The following CTNNA3 variants were observed in gnomAD, a reference collection of about 807,000 sequenced individuals.
CTNNA3 encodes catenin alpha 3, also known as catenin alpha-3.
A neutral mutation model predicts 95.7 loss-of-function variants in CTNNA3; 76 were observed. The ratio of observed to expected loss-of-function variants is 0.79; its 90% CI spans 0.66 to 0.96. The LOEUF is 0.96. Ranked by LOEUF, CTNNA3 falls within the 40% of genes least tolerant of loss-of-function variation. The pLI is 0.00. For missense variants in CTNNA3, 1,191 were observed against 1,089.8 expected (o/e 1.09, Z -1.31); for synonymous variants, 431 against 374.4 (o/e 1.15, Z -1.74).
intron 11 of CTNNA3, among the ~76,000 whole-genome samples, chr10:66,445,565 G>T (rs1408562280): frequency 2.0e-5 from 3 of 152,134 alleles, no homozygotes; most frequent in Admixed American, 6.6e-5. Flanking sequence ...ACTTGCTCCT[G>T]AATGACTACT....
intron 3 of CTNNA3, among the ~76,000 whole-genome samples, chr10:67,594,994 T>C (rs1011724839): frequency 6.6e-6 from 1 of 152,198 alleles, no homozygotes; most frequent in Non-Finnish European, 1.5e-5. Context: ...TGGTTTTCCA[T>C]TCCTGAGTTA....
At chr10:67,114,501 C>T (rs543216256) in intron 7 of CTNNA3, among the ~76,000 whole-genome samples, 1 of 151,946 alleles carries the variant, frequency 6.6e-6, no homozygotes, top group South Asian at 2.1e-4. Context: ...ATTCTGGAGT[C>T]TCTGTAGATT....
Position 66,847,670 on chromosome 10 carries a change from T to G in CTNNA3, c.1048-72146A>C, listed in dbSNP as rs112730846. On this transcript the variant is annotated intron_variant, in intron 7 of 17. Transcript: ENST00000433211. The stretch of plus-strand genomic sequence containing the variant: ...GTCTAATAACAAATATATTTAAAAT[T>G]TTCTTATTTATTTACCTTAGTGCAA... 8.0e-3 allele frequency among the ~76,000 whole-genome samples: 1,222 copies of G among 152,234 alleles called. 25 individuals are homozygous for G. The highest frequency in any genetic ancestry group is 0.027 in the African/African-American group (1,129 of 41,558).
chr10:66,828,342 C>A (rs1842589648), intron 7 of CTNNA3, among the ~76,000 whole-genome samples: 1 of 152,286 alleles, frequency 6.6e-6, no homozygotes, highest in East Asian at 1.9e-4. Context: ...TCTGTGAAAT[C>A]TTTCCTAATT....
intron 11 of CTNNA3, among the ~76,000 whole-genome samples, chr10:66,449,723 C>G (rs947266511): frequency 6.6e-6 from 1 of 151,950 alleles, no homozygotes; most frequent in Non-Finnish European, 1.5e-5. Flanking sequence ...TTAGAAAAAC[C>G]ATTTAATGAC....
intron 11 of CTNNA3, among the ~76,000 whole-genome samples, chr10:66,428,474 CT>C (rs2093263764): frequency 6.6e-6 from 1 of 152,044 alleles, no homozygotes. Context: ...CACACCACAT[CT>C]ATTCCAAAAT....
intron 5 of CTNNA3, among the ~76,000 whole-genome samples, chr10:67,465,661 G>A (rs112221206): frequency 0.011 from 1,612 of 152,236 alleles, 30 homozygotes; most frequent in African/African-American, 0.036. Context: ...AACTCACATG[G>A]AGGTCAACTC....
At chr10:66,114,428 G>GTATGTATATATGTGTATA (rs1184016554) in intron 13 of CTNNA3, among the ~76,000 whole-genome samples, 2 of 149,820 alleles carry the variant, frequency 1.3e-5, no homozygotes, top group African/African-American at 2.5e-5. Context: ...GTGTATATTC[G>GTATGTATATATGTGTATA]TATGTATATA....
At position 65,955,215 on chromosome 10, in the gene CTNNA3, T is replaced by G. The variant is rs914605073; in HGVS notation, c.2400+11397A>C. Among the ~76,000 whole-genome samples, 11 of 152,300 alleles carry G rather than the reference T, an allele frequency of 7.2e-5. No homozygotes were observed. The East Asian group carries it at 2.1e-3, about 29-fold the overall frequency. On this transcript the variant is annotated intron_variant, in intron 17 of 17. Transcript: ENST00000433211. The stretch of plus-strand genomic sequence containing the variant: ...TCTGTTATTGGCGTATAGGAATGCT[T>G]GTGATTTTTGCACATTGAATTTGTA...
chr10:66,843,457 AC>A (rs1469614096), intron 7 of CTNNA3, among the ~76,000 whole-genome samples: 3 of 152,236 alleles, frequency 2.0e-5, no homozygotes, highest in Non-Finnish European at 1.5e-5. Flanking sequence ...GGTGCACTGT[AC>A]TTTGTGAATC....
chr10:67,349,433 G>T (rs969459378), intron 5 of CTNNA3, among the ~76,000 whole-genome samples: 11 of 152,140 alleles, frequency 7.2e-5, no homozygotes, highest in Non-Finnish European at 1.6e-4. Flanking sequence ...ATTGTGCTAA[G>T]TGAAAAAAGC....
intron 14 of CTNNA3, among the ~76,000 whole-genome samples, chr10:66,090,017 C>T (rs1274358189): frequency 6.6e-6 from 1 of 151,934 alleles, no homozygotes; most frequent in African/African-American, 2.4e-5. Flanking sequence ...CAAAGAACAA[C>T]ATGAATCTAA....
chr10:66,506,806 T>G (rs1386406702), intron 11 of CTNNA3, among the ~76,000 whole-genome samples: 1 of 152,164 alleles, frequency 6.6e-6, no homozygotes, highest in Non-Finnish European at 1.5e-5. Flanking sequence ...CTTCATGGCT[T>G]GATGCTTTTA....
chr10:66,903,761 G>A (rs1589401276), intron 7 of CTNNA3, among the ~76,000 whole-genome samples: 1 of 152,150 alleles, frequency 6.6e-6, no homozygotes, highest in South Asian at 2.1e-4. Flanking sequence ...CAAATCATGA[G>A]TGAACTCTCA....
intron 7 of CTNNA3, among the ~76,000 whole-genome samples, chr10:67,152,947 A>G (rs1252048846): frequency 1.3e-5 from 2 of 152,088 alleles, no homozygotes; most frequent in Non-Finnish European, 2.9e-5. Flanking sequence ...CCAGTTTTCA[A>G]TTCACACTAC....
At position 66,927,962 on chromosome 10, in the gene CTNNA3, T is replaced by TA. The variant is rs1212955575; in HGVS notation, c.1048-152439dup. On this transcript the variant is annotated intron_variant, in intron 7 of 17. Transcript: ENST00000433211. The surrounding 1 kb of genome is among the most constrained non-coding windows in gnomAD (Gnocchi z 4.7). ...GCCAGTCCCAAAGAGCTGCAAGGAG[T>TA]AAATGTGATCGATGCAGTGAAGAAC... 1.2e-6 allele frequency: 2 copies of TA among 1,613,526 alleles called. No individual in the cohort carries two copies. Among genetic ancestry groups the TA allele is most frequent in the African/African-American group, 2.7e-5 (2 of 74,714 alleles).
At chr10:67,403,981 T>C (rs118038691) in intron 5 of CTNNA3, among the ~76,000 whole-genome samples, 2,726 of 152,184 alleles carry the variant, frequency 0.018, 34 homozygotes, top group Non-Finnish European at 0.026. Flanking sequence ...TACAGAAAAG[T>C]GGTCAGACTG....
intron 12 of CTNNA3, among the ~76,000 whole-genome samples, chr10:66,317,680 TA>T (rs1423823555): frequency 4.2e-5 from 5 of 119,502 alleles, no homozygotes; most frequent in African/African-American, 1.1e-4. Context: ...CTCAAAAAAT[TA>T]AAAAAAATTT....
At chr10:66,907,738 A>C (rs368879625) in intron 7 of CTNNA3, among the ~76,000 whole-genome samples, 15 of 152,288 alleles carry the variant, frequency 9.8e-5, no homozygotes, top group Non-Finnish European at 1.6e-4. Flanking sequence ...ACCCCAACAG[A>C]TATCAAAACA....
Sources: gnomAD v4.1 joint callset for allele counts (sites outside exome capture counted in the v4.1 genomes callset) on GRCh38, gnomAD v4.1.1 for gene constraint, Gnocchi (gnomAD v3.1) non-coding constraint, MANE v1.5 for transcripts, NCBI Gene and HGNC (gene_info 2026-07-23, HGNC 2026-07-21) for gene names.